PPP2R2A: variants seen among roughly 807,000 people sequenced by gnomAD.
The protein encoded by PPP2R2A is protein phosphatase 2 regulatory subunit Balpha.
A neutral mutation model predicts 53.2 loss-of-function variants in PPP2R2A; 9 were observed. That is an observed-to-expected ratio of 0.17 (90% CI 0.10 to 0.30). PPP2R2A has a LOEUF of 0.30. Ranked by LOEUF, PPP2R2A falls within the 10% of genes least tolerant of loss-of-function variation. PPP2R2A has a pLI of 1.00. For missense variants in PPP2R2A, 235 were observed against 534.6 expected, an observed-to-expected ratio of 0.44 and a Z score of 5.53; for synonymous variants, 169 against 174.2, an observed-to-expected ratio of 0.97 and a Z score of 0.23.
At chr8:26,293,458 A>G in intron 1 of PPP2R2A, 1 of 696,186 alleles carries the variant, frequency 1.4e-6, no homozygotes, top group Non-Finnish European at 2.3e-6. Context: ...GCCTTTAAAT[A>G]TTTCGTACCT....
chr8:26,304,025 T>G, intron 2 of PPP2R2A, among the ~76,000 whole-genome samples: 1 of 152,230 alleles, frequency 6.6e-6, no homozygotes, highest in Non-Finnish European at 1.5e-5. Flanking sequence ...TCACAGGGTC[T>G]GTGGACCGGT....
chr8:26,295,372 T>TAC lies in PPP2R2A; in HGVS notation c.82+1634_82+1635dup, dbSNP rs201409341. 1.6e-4 allele frequency among the ~76,000 whole-genome samples: 24 copies of TAC among 152,340 alleles called. No homozygotes were observed. In the East Asian group the frequency reaches 4.6e-3, roughly 29 times the overall value. On this transcript the variant is annotated intron_variant, in intron 2 of 9. Coordinates refer to ENST00000380737, the MANE Select transcript of PPP2R2A (RefSeq NM_002717.4). ...TACCTGAACCAAATAACTTGTGATATACATTAAGTCCTCCCTTAATGTATA... is the reference window on the plus strand; with the variant it reads ...TACCTGAACCAAATAACTTGTGATATACACATTAAGTCCTCCCTTAATGTATA...
intron 4 of PPP2R2A, among the ~76,000 whole-genome samples, chr8:26,358,605 T>C (rs947450893): frequency 2.0e-5 from 3 of 152,220 alleles, no homozygotes; most frequent in Non-Finnish European, 4.4e-5. Context: ...ACTGCCAGGC[T>C]AGAGTCACTG....
intron 3 of PPP2R2A, among the ~76,000 whole-genome samples, chr8:26,341,501 G>C (rs915985177): frequency 1.3e-5 from 2 of 152,162 alleles, no homozygotes; most frequent in African/African-American, 4.8e-5. Flanking sequence ...AGTTTGAAAA[G>C]TGAAAGAAAT....
Position 26,291,758 on chromosome 8 carries a change from G to T in PPP2R2A, c.-62G>T. On this transcript the variant is annotated 5_prime_UTR_variant, in exon 1 of 10. Coordinates refer to ENST00000380737, the MANE Select transcript of PPP2R2A (RefSeq NM_002717.4). ...TCTACCCCCCCATCCCCAGGTGAGGGGGGTGAGTTCAGGAAGCGGAGACCC... is the reference window on the plus strand; with the variant it reads ...TCTACCCCCCCATCCCCAGGTGAGGTGGGTGAGTTCAGGAAGCGGAGACCC... 1 of 1,581,236 alleles carries T rather than the reference G, an allele frequency of 6.3e-7. No homozygotes were observed. Among genetic ancestry groups the T allele is most frequent in the Non-Finnish European group, 8.6e-7 (1 of 1,164,926 alleles).
At chr8:26,298,405 A>G (rs1031981746) in intron 2 of PPP2R2A, among the ~76,000 whole-genome samples, 2 of 152,038 alleles carry the variant, frequency 1.3e-5, no homozygotes, top group African/African-American at 4.8e-5. Context: ...TATCTTGTCA[A>G]TTTTAGTATT....
intron 2 of PPP2R2A, among the ~76,000 whole-genome samples, chr8:26,298,251 A>AT (rs2117191554): frequency 6.6e-6 from 1 of 152,288 alleles, no homozygotes; most frequent in East Asian, 1.9e-4. Context: ...CTAATAATGT[A>AT]TTAAAGGGTT....
At chr8:26,350,066 T>G (rs1804415130) in intron 3 of PPP2R2A, among the ~76,000 whole-genome samples, 1 of 152,090 alleles carries the variant, frequency 6.6e-6, no homozygotes, top group Admixed American at 6.5e-5. Context: ...ATTTACTGTT[T>G]GTTTGTTTTT....
chr8:26,337,020 A>G (rs1289150307), intron 2 of PPP2R2A, among the ~76,000 whole-genome samples: 2 of 152,160 alleles, frequency 1.3e-5, no homozygotes, highest in African/African-American at 2.4e-5. Context: ...CAGCCTGACA[A>G]GGAGTTGTAA....
chr8:26,346,913 GTC>G (rs1427543854), intron 3 of PPP2R2A, among the ~76,000 whole-genome samples: 1 of 152,066 alleles, frequency 6.6e-6, no homozygotes, highest in African/African-American at 2.4e-5. Context: ...ACAGAGAAGA[GTC>G]TGAAATCAGG....
chr8:26,329,601 A>G (rs1014401937), intron 2 of PPP2R2A, among the ~76,000 whole-genome samples: 3 of 152,190 alleles, frequency 2.0e-5, no homozygotes, highest in African/African-American at 7.2e-5. Flanking sequence ...CAAGTATGCT[A>G]GCTATTTGGC....
At chr8:26,302,687 A>G (rs1475073193) in intron 2 of PPP2R2A, among the ~76,000 whole-genome samples, 1 of 152,240 alleles carries the variant, frequency 6.6e-6, no homozygotes, top group Admixed American at 6.5e-5. Flanking sequence ...TTTTCTTCAT[A>G]TATTTAACTG....
In PPP2R2A at chr8:26,363,713, G is replaced by A. The variant is rs560431068; in HGVS notation, c.803-8G>A. 2.5e-5 allele frequency: 39 copies of A among 1,567,098 alleles called. No homozygotes were observed. The East Asian group carries it at 5.2e-4, about 21-fold the overall frequency. ...TGCCCTTTTTGTGTTGTTTTGTTTT[G>A]TTTTTAGTGTTTGAAGAACCTGAAG... On this transcript the variant is annotated splice_polypyrimidine_tract_variant and splice_region_variant and intron_variant, in intron 7 of 9. Transcript: ENST00000380737.
At chr8:26,358,927 TC>T in intron 4 of PPP2R2A, 1 of 456,052 alleles carries the variant, frequency 2.2e-6, no homozygotes, top group Non-Finnish European at 4.4e-6. Context: ...ATTTAGTGAC[TC>T]ACTTCCAAAG....
chr8:26,339,665 T>A (rs1216057866), intron 3 of PPP2R2A, among the ~76,000 whole-genome samples: 1 of 152,172 alleles, frequency 6.6e-6, no homozygotes, highest in Non-Finnish European at 1.5e-5. Flanking sequence ...CTTGGTTTTT[T>A]CTTATTCATT....
rs1394103847 is a variant in PPP2R2A, at chr8:26,370,827, T to A, written c.*414T>A. 1 of 178,710 alleles carries A rather than the reference T, an allele frequency of 5.6e-6. No individual in the cohort carries two copies. The highest frequency in any genetic ancestry group is 1.4e-4 in the East Asian group (1 of 7,066). 11.1% of individuals were successfully genotyped at this position (178,710 alleles called of 1,614,324 possible). On this transcript the variant is annotated 3_prime_UTR_variant, in exon 10 of 10. Transcript: ENST00000380737. This position sits in a 1 kb window ranked among gnomAD's most constrained non-coding sequence, Gnocchi z 6.1. Reference sequence around the variant, plus strand: ...ATTTGTGGGGTACACCCCTTCCCCCTTTTTTTAAATTAAATACAGCTCATT... The same window carrying A: ...ATTTGTGGGGTACACCCCTTCCCCCATTTTTTAAATTAAATACAGCTCATT...
rs1314886333 is a variant in PPP2R2A, at chr8:26,291,549, T to TGCCGCTGCC, written c.-265_-257dup. The TGCCGCTGCC allele has an allele frequency of 9.2e-6, 4 of 437,024 alleles. No homozygotes were observed. The highest frequency in any genetic ancestry group is 4.9e-5 in the East Asian group (1 of 20,206). 27.1% of individuals were successfully genotyped at this position (437,024 alleles called of 1,614,324 possible). ...TTTTGAAAGTGGAGTCGCCTGCCCC[T>TGCCGCTGCC]GCCGCTGCCGCCGCCGCCGTCGCTG... On this transcript the variant is annotated 5_prime_UTR_variant, in exon 1 of 10. Coordinates refer to ENST00000380737, the MANE Select transcript of PPP2R2A (RefSeq NM_002717.4).
rs1053761515 is a variant in PPP2R2A, at chr8:26,371,358, T to G, written c.*945T>G. 10 of 149,502 alleles carry G rather than the reference T, an allele frequency of 6.7e-5. No individual in the cohort carries two copies. The highest frequency in any genetic ancestry group is 2.5e-4 in the African/African-American group (10 of 40,144). The allele number at this position is 149,502 out of a possible 1,614,324, so 9.3% of individuals were successfully genotyped here. ...TCACAATCTATAAATGCTACTAGTT[T>G]TTTTTTTTTTTTTTACCATCATGAG... On this transcript the variant is annotated 3_prime_UTR_variant, in exon 10 of 10. Coordinates refer to ENST00000380737, the MANE Select transcript of PPP2R2A (RefSeq NM_002717.4).
Position 26,371,460 on chromosome 8 carries a change from G to A in PPP2R2A, c.*1047G>A, listed in dbSNP as rs1805665116. 6.7e-6 allele frequency: 1 copy of A among 150,374 alleles called. No individual in the cohort carries two copies. Among genetic ancestry groups the A allele is most frequent in the South Asian group, 2.1e-4 (1 of 4,726 alleles). 9.3% of individuals were successfully genotyped at this position (150,374 alleles called of 1,614,324 possible). ...GTTGTAAATGGGAACCAAATTTGTA[G>A]AACTTAATTTCTACTTTTTAGAGTG... On this transcript the variant is annotated 3_prime_UTR_variant, in exon 10 of 10. Coordinates refer to ENST00000380737, the MANE Select transcript of PPP2R2A (RefSeq NM_002717.4).
Sources: gnomAD v4.1 joint callset for allele counts (sites outside exome capture counted in the v4.1 genomes callset) on GRCh38, gnomAD v4.1.1 for gene constraint, Gnocchi (gnomAD v3.1) non-coding constraint, MANE v1.5 for transcripts, NCBI Gene and HGNC (gene_info 2026-07-23, HGNC 2026-07-21) for gene names.